C6orf132: variants seen among roughly 807,000 people sequenced by gnomAD.
C6orf132 encodes the protein chromosome 6 open reading frame 132.
Under a neutral mutation model 65.3 loss-of-function variants are expected in C6orf132, and 43 were observed. That is an observed-to-expected ratio of 0.66 (90% CI 0.52 to 0.85). C6orf132 has a LOEUF of 0.85. Ranked by LOEUF, C6orf132 falls within the 40% of genes least tolerant of loss-of-function variation. The pLI is 0.00. For missense variants in C6orf132, 1,488 were observed against 1,548.8 expected (o/e 0.96, Z 0.66); for synonymous variants, 631 against 654.1 (o/e 0.96, Z 0.54).
In C6orf132 at chr6:42,142,521, C is replaced by T; in HGVS notation, c.-77G>A. On this transcript the variant is annotated 5_prime_UTR_variant, in exon 1 of 5. It adds an upstream start codon to the 5' untranslated region. Coordinates refer to ENST00000341865, the MANE Select transcript of C6orf132 (RefSeq NM_001164446.3). The stretch of plus-strand genomic sequence containing the variant: ...GCCCTGCCCCGGACTGAACTCAGCA[C>T]GGTCTCCCCAGGGGACTCTACCAGG... 1 of 1,319,360 alleles carries T rather than the reference C, an allele frequency of 7.6e-7. No homozygotes were observed. The highest frequency in any genetic ancestry group is 1.3e-5 in the South Asian group (1 of 74,602). 81.7% of individuals were successfully genotyped at this position (1,319,360 alleles called of 1,614,324 possible). A position where few individuals can be genotyped will look rare whatever the true frequency, so the allele number is the denominator to read the frequency against.
chr6:42,107,670 TG>T, intron 3 of C6orf132, 87 bp from the exon 4 acceptor site: 2 of 1,488,418 alleles, frequency 1.3e-6, no homozygotes, highest in South Asian at 2.5e-5. Flanking sequence ...GGGGCAGGGG[TG>T]GGCACCCAAG....
chr6:42,142,540 T>G lies in C6orf132; in HGVS notation c.-96A>C. 3 of 1,078,908 alleles carry G rather than the reference T, an allele frequency of 2.8e-6. No individual in the cohort carries two copies. The highest frequency in any genetic ancestry group is 4.7e-5 in the East Asian group (1 of 21,074). The allele number at this position is 1,078,908 out of a possible 1,614,324, so 66.8% of individuals were successfully genotyped here. A position where few individuals can be genotyped will look rare whatever the true frequency, so the allele number is the denominator to read the frequency against. On this transcript the variant is annotated 5_prime_UTR_variant, in exon 1 of 5. An upstream open reading frame in the 5' UTR loses its in-frame stop. Transcript: ENST00000341865. ...TCAGCACGGTCTCCCCAGGGGACTCTACCAGGCCATGTCCCCCGCCGTCCT... is the reference window on the plus strand; with the variant it reads ...TCAGCACGGTCTCCCCAGGGGACTCGACCAGGCCATGTCCCCCGCCGTCCT...
intron 1 of C6orf132, among the ~76,000 whole-genome samples, chr6:42,142,087 G>T (rs1562044560): frequency 2.6e-5 from 4 of 152,046 alleles, no homozygotes; most frequent in Admixed American, 2.6e-4. Context: ...GTGGTGGTGG[G>T]GGGGGTCCCC....
chr6:42,122,903 C>T lies in C6orf132; in HGVS notation c.252+5769G>A, dbSNP rs142887703. Among the ~76,000 whole-genome samples, 1,480 of 152,278 alleles carry T rather than the reference C, an allele frequency of 9.7e-3. 20 individuals are homozygous for T. The highest frequency in any genetic ancestry group is 0.033 in the African/African-American group (1,375 of 41,558). The stretch of plus-strand genomic sequence containing the variant: ...GTGGGGTGACCCAGGCAGCTCTCAC[C>T]GCCCAGGGCACCCCTGGGGACCTGT... On this transcript the variant is annotated intron_variant, in intron 2 of 4. Coordinates refer to ENST00000341865, the MANE Select transcript of C6orf132 (RefSeq NM_001164446.3).
chr6:42,103,748 G>C lies in C6orf132; in HGVS notation c.*13C>G. 1.5e-6 allele frequency: 2 copies of C among 1,372,840 alleles called. No individual in the cohort carries two copies. Among genetic ancestry groups the C allele is most frequent in the Non-Finnish European group, 1.9e-6 (2 of 1,057,768 alleles). 85.0% of individuals were successfully genotyped at this position (1,372,840 alleles called of 1,614,324 possible). A position where few individuals can be genotyped will look rare whatever the true frequency, so the allele number is the denominator to read the frequency against. On this transcript the variant is annotated 3_prime_UTR_variant, in exon 5 of 5. Transcript: ENST00000341865. ...ACACAGTTTGTTGGAGTAGAGCTAA[G>C]AGAACCCCTGGCTCAGGAGGTGGCT...
chr6:42,107,671 G>A (rs1582269938), intron 3 of C6orf132, 88 bp from the exon 4 acceptor site: 3 of 1,470,158 alleles, frequency 2.0e-6, no homozygotes, highest in Admixed American at 2.0e-5. Context: ...GGGCAGGGGT[G>A]GGCACCCAAG....
intron 1 of C6orf132, among the ~76,000 whole-genome samples, chr6:42,132,097 C>T (rs112838273): frequency 2.0e-5 from 3 of 152,134 alleles, no homozygotes; most frequent in Admixed American, 6.5e-5. Flanking sequence ...CCAGAACAGG[C>T]AAGGAAACAG....
rs1441965873 is a variant in C6orf132, at chr6:42,102,097, C to T, written c.*1664G>A. 6.6e-6 allele frequency: 1 copy of T among 152,098 alleles called. No individual in the cohort carries two copies. Among genetic ancestry groups the T allele is most frequent in the African/African-American group, 2.4e-5 (1 of 41,402 alleles). 9.4% of individuals were successfully genotyped at this position (152,098 alleles called of 1,614,324 possible). On this transcript the variant is annotated 3_prime_UTR_variant, in exon 5 of 5. Coordinates refer to ENST00000341865, the MANE Select transcript of C6orf132 (RefSeq NM_001164446.3). ...TGTTTCCTGATATGTTTGGTGATCA[C>T]AGCATCTAAACCAGGACTTTTTTGA... is the stretch of plus-strand genomic sequence containing the variant.
At chr6:42,140,494 G>A (rs868256860) in intron 1 of C6orf132, among the ~76,000 whole-genome samples, 2 of 152,254 alleles carry the variant, frequency 1.3e-5, no homozygotes, top group African/African-American at 4.8e-5. Context: ...AACCCGCTAA[G>A]AGTGTGATCT....
In C6orf132 at chr6:42,106,467, C is replaced by T. The variant is rs1562033266; in HGVS notation, c.1445G>A (p.Arg482Lys). 6.5e-7 allele frequency: 1 copy of T among 1,536,418 alleles called. No individual in the cohort carries two copies. Among genetic ancestry groups the T allele is most frequent in the Non-Finnish European group, 8.7e-7 (1 of 1,146,848 alleles). ...GTGACTGAGGAATCGGTCCTCTCTC[C>T]TGGAGCCACAGAGATAGGCTGCCAG... is the stretch of plus-strand genomic sequence containing the variant. ...NELAAYLCGSRREDRFLSHRP... is the reference protein window; with the variant it reads ...NELAAYLCGSKREDRFLSHRP... The change falls in exon 4 of 5, where the codon AGG (arginine) becomes AAG (lysine). Residue 482 changes from arginine to lysine, a missense_variant. Transcript: ENST00000341865.
At chr6:42,130,218 C>T (rs1043012284) in intron 1 of C6orf132, among the ~76,000 whole-genome samples, 19 of 152,254 alleles carry the variant, frequency 1.2e-4, no homozygotes, top group Non-Finnish European at 2.4e-4. Flanking sequence ...CAGTTCCCAG[C>T]ACTGCCCTGC....
intron 1 of C6orf132, among the ~76,000 whole-genome samples, chr6:42,135,435 C>A (rs1002840174): frequency 3.9e-5 from 6 of 152,202 alleles, no homozygotes; most frequent in East Asian, 3.9e-4. Context: ...CAGCTCCGGG[C>A]GAGCTGAGAG....
At chr6:42,111,742 A>T (rs568389197) in intron 2 of C6orf132, among the ~76,000 whole-genome samples, 2 of 152,184 alleles carry the variant, frequency 1.3e-5, no homozygotes, top group Non-Finnish European at 2.9e-5. Context: ...GAATATTTAT[A>T]GCTCTACAGA....
rs1341962041 is a variant in C6orf132 at position 42,142,466 on chromosome 6, G to T, written c.-22C>A. ...TCATGCTGCCGCAGCCCGCGCGGGC[G>T]CCAGGGAAGGACCTTCCCTCCCTCG... is the stretch of plus-strand genomic sequence containing the variant. On this transcript the variant is annotated 5_prime_UTR_variant, in exon 1 of 5. Coordinates refer to ENST00000341865, the MANE Select transcript of C6orf132 (RefSeq NM_001164446.3). 1 of 1,547,576 alleles carries T rather than the reference G, an allele frequency of 6.5e-7. No homozygotes were observed. Among genetic ancestry groups the T allele is most frequent in the South Asian group, 1.2e-5 (1 of 83,784 alleles).
At chr6:42,121,147 G>A (rs941036032) in intron 2 of C6orf132, among the ~76,000 whole-genome samples, 1 of 152,176 alleles carries the variant, frequency 6.6e-6, no homozygotes, top group Non-Finnish European at 1.5e-5. Context: ...TGATACCAGA[G>A]GCCACTGCAC....
intron 2 of C6orf132, among the ~76,000 whole-genome samples, chr6:42,120,875 G>A (rs568215508): frequency 6.6e-6 from 1 of 151,300 alleles, no homozygotes; most frequent in Admixed American, 6.6e-5. Context: ...CCCACCTCGG[G>A]CTCCCAAAGT....
At chr6:42,134,544 C>A (rs187819581) in intron 1 of C6orf132, among the ~76,000 whole-genome samples, 1 of 151,968 alleles carries the variant, frequency 6.6e-6, no homozygotes, top group Non-Finnish European at 1.5e-5. Flanking sequence ...GAGGCCAAGG[C>A]GGGTGGATCA....
At chr6:42,135,146 C>T (rs982809429) in intron 1 of C6orf132, among the ~76,000 whole-genome samples, 7 of 152,174 alleles carry the variant, frequency 4.6e-5, no homozygotes, top group African/African-American at 1.7e-4. Context: ...GACACCTGTC[C>T]CCACTGGGGA....
rs1766400201 is a variant in C6orf132 at position 42,106,129 on chromosome 6, G to GC, written c.1782dup (p.Leu595AlafsTer8). The GC allele has an allele frequency of 6.5e-7, 1 of 1,537,112 alleles. No homozygotes were observed. Among genetic ancestry groups the GC allele is most frequent in the African/African-American group, 1.4e-5 (1 of 73,040 alleles). ...TTTTCACAAATTCTTCCCCCTTCTA[G>GC]CCGAGGCTTAGGGGGCAGAGATCCT... On this transcript the variant is annotated frameshift_variant, in exon 4 of 5. Coordinates refer to ENST00000341865, the MANE Select transcript of C6orf132 (RefSeq NM_001164446.3). LOFTEE classifies it high-confidence loss of function.
Sources: gnomAD v4.1 joint callset for allele counts (sites outside exome capture counted in the v4.1 genomes callset) on GRCh38, gnomAD v4.1.1 for gene constraint, MANE v1.5 for transcripts, NCBI Gene and HGNC (gene_info 2026-07-23, HGNC 2026-07-21) for gene names.